The following SOX4 variants were observed in gnomAD, a reference collection of about 807,000 sequenced individuals.
SOX4 encodes SRY-box transcription factor 4.
For synonymous variants in SOX4, 465 were observed against 348.4 expected, an observed-to-expected ratio of 1.33 and a Z score of -3.73; for missense variants, 662 against 694.9, an observed-to-expected ratio of 0.95 and a Z score of 0.53.
Position 21,594,642 on chromosome 6 carries a change from C to T in SOX4, c.108C>T (p.Pro36=), listed in dbSNP as rs756901515. ...TGGGAATCGCCTCCTCCCCCACGCC[C>T]GGCTCCACCGCCTCCACGGGCGGCA... ...LELGIASSPT[P]GSTASTGGKA... is the part of the protein sequence containing the mutation. Residue 36 remains proline (P), a synonymous_variant, in exon 1 of 1, where the codon CCC becomes CCT. Transcript: ENST00000244745. 6 of 1,603,516 alleles carry T rather than the reference C, an allele frequency of 3.7e-6. No individual in the cohort carries two copies. In the South Asian group the frequency reaches 5.6e-5, roughly 15 times the overall value.
chr6:21,596,140 T>G lies in SOX4; in HGVS notation c.*181T>G. On this transcript the variant is annotated 3_prime_UTR_variant, in exon 1 of 1. Coordinates refer to ENST00000244745, the MANE Select transcript of SOX4 (RefSeq NM_003107.3). ...CGGATCAAGGAGCGCGGCGGCGTTT[T>G]GGACCCGCGCTCCCATCCCCCACCT... 1 of 1,044,402 alleles carries G rather than the reference T, an allele frequency of 9.6e-7. No individual in the cohort carries two copies. Among genetic ancestry groups the G allele is most frequent in the Non-Finnish European group, 1.3e-6 (1 of 773,450 alleles). 64.7% of individuals were successfully genotyped at this position (1,044,402 alleles called of 1,614,324 possible).
chr6:21,596,070 GAAAGAA>G lies in SOX4; in HGVS notation c.*116_*121del. The G allele has an allele frequency of 7.3e-7, 1 of 1,367,278 alleles. No homozygotes were observed. The highest frequency in any genetic ancestry group is 9.5e-7 in the Non-Finnish European group (1 of 1,056,894). The allele number at this position is 1,367,278 out of a possible 1,614,324, so 84.7% of individuals were successfully genotyped here. A position where few individuals can be genotyped will look rare whatever the true frequency, so the allele number is the denominator to read the frequency against. On this transcript the variant is annotated 3_prime_UTR_variant, in exon 1 of 1. Coordinates refer to ENST00000244745, the MANE Select transcript of SOX4 (RefSeq NM_003107.3). ...GAGTTTAAAGAGAAAAGGGAAAAAA[GAAAGAA>G]AAAGTAAGCAGGGCTGGCTTCGCCC...
At position 21,595,770 on chromosome 6, in the gene SOX4, A is replaced by C. The variant is rs774669417; in HGVS notation, c.1236A>C (p.Ser412=). 1.9e-6 allele frequency: 3 copies of C among 1,613,518 alleles called. No homozygotes were observed. The highest frequency in any genetic ancestry group is 4.5e-5 in the East Asian group (2 of 44,844). The change falls in exon 1 of 1, where the codon TCA becomes TCC. Residue 412 remains serine (S), a synonymous_variant. Coordinates refer to ENST00000244745, the MANE Select transcript of SOX4 (RefSeq NM_003107.3). ...ACCTGCTCGACCTGAACCCCAGCTC[A>C]AACTTTGAGAGCATGTCCCTGGGCA... ...EDDLLDLNPS[S]NFESMSLGSF...
rs1298624908 is a variant in SOX4, at chr6:21,597,905, T to G, written c.*1946T>G. 1 of 167,028 alleles carries G rather than the reference T, an allele frequency of 6.0e-6. No homozygotes were observed. Among genetic ancestry groups the G allele is most frequent in the Admixed American group, 6.5e-5 (1 of 15,282 alleles). The allele number at this position is 167,028 out of a possible 1,614,324, so 10.3% of individuals were successfully genotyped here. A position where few individuals can be genotyped will look rare whatever the true frequency, so the allele number is the denominator to read the frequency against. ...AGTGTCCACCCTCCGGCCCCCGTCT[T>G]GTAAAAAGGGGAGGAGAATTAGCCA... On this transcript the variant is annotated 3_prime_UTR_variant, in exon 1 of 1. Coordinates refer to ENST00000244745, the MANE Select transcript of SOX4 (RefSeq NM_003107.3).
In SOX4 at chr6:21,595,786, T is replaced by C. The variant is rs1448393872; in HGVS notation, c.1252T>C (p.Ser418Pro). 6.2e-7 allele frequency: 1 copy of C among 1,613,562 alleles called. No individual in the cohort carries two copies. Among genetic ancestry groups the C allele is most frequent in the Non-Finnish European group, 8.5e-7 (1 of 1,179,998 alleles). The part of the protein sequence containing the change: ...LNPSSNFESM[S>P]LGSFSSSSAL... ...CCCCAGCTCAAACTTTGAGAGCATG[T>C]CCCTGGGCAGCTTCAGTTCGTCGTC... Residue 418 changes from serine to proline, a missense_variant, in exon 1 of 1, where the codon TCC becomes CCC. Transcript: ENST00000244745.
chr6:21,594,373 T>C lies in SOX4; in HGVS notation c.-162T>C. ...AATCTTTTGGGGACTTTTCTCTCTTTACCCACCTCCGCCCCTGCGAGGAGT... is the reference window on the plus strand; with the variant it reads ...AATCTTTTGGGGACTTTTCTCTCTTCACCCACCTCCGCCCCTGCGAGGAGT... On this transcript the variant is annotated 5_prime_UTR_variant, in exon 1 of 1. Transcript: ENST00000244745. 1.2e-6 allele frequency: 1 copy of C among 863,118 alleles called. No individual in the cohort carries two copies. Among genetic ancestry groups the C allele is most frequent in the Non-Finnish European group, 1.6e-6 (1 of 638,542 alleles). The allele number at this position is 863,118 out of a possible 1,614,324, so 53.5% of individuals were successfully genotyped here. A position where few individuals can be genotyped will look rare whatever the true frequency, so the allele number is the denominator to read the frequency against.
In SOX4 at chr6:21,595,652, GCGCGCCCTCGCA is replaced by G; in HGVS notation, c.1123_1134del (p.Pro375_Ala378del). The G allele has an allele frequency of 1.3e-6, 2 of 1,516,290 alleles. No homozygotes were observed. 93.9% of individuals were successfully genotyped at this position (1,516,290 alleles called of 1,614,324 possible). ...CGCGCCGCCTCGCCCGCCCCGTCCAGCGCGCCCTCGCACGCGTCCTCCTCGGCCTCGTCCCAC... is the reference window on the plus strand; with the variant it reads ...CGCGCCGCCTCGCCCGCCCCGTCCAGCGCGTCCTCCTCGGCCTCGTCCCAC... On this transcript the variant is annotated inframe_deletion, in exon 1 of 1. Coordinates refer to ENST00000244745, the MANE Select transcript of SOX4 (RefSeq NM_003107.3).
In SOX4 at chr6:21,594,576, G is replaced by C; in HGVS notation, c.42G>C (p.Leu14=). ...QTNNAENTEA[L]LAGESSDSGA... is the part of the protein sequence containing the mutation. ...ACAATGCCGAGAACACGGAAGCGCT[G>C]CTGGCCGGCGAGAGCTCGGACTCGG... The change falls in exon 1 of 1, where the codon CTG becomes CTC. Residue 14 remains leucine (L), a synonymous_variant. Transcript: ENST00000244745. 1.2e-6 allele frequency: 2 copies of C among 1,608,638 alleles called. No homozygotes were observed. The highest frequency in any genetic ancestry group is 1.7e-6 in the Non-Finnish European group (2 of 1,178,678).
rs913248450 is a variant in SOX4, at chr6:21,595,127, G to A, written c.593G>A (p.Ser198Asn). 5 of 1,366,516 alleles carry A rather than the reference G, an allele frequency of 3.7e-6. No individual in the cohort carries two copies. Among genetic ancestry groups the A allele is most frequent in the South Asian group, 1.8e-5 (1 of 55,170 alleles). 84.6% of individuals were successfully genotyped at this position (1,366,516 alleles called of 1,614,324 possible). Residue 198 changes from serine to asparagine, a missense_variant, in exon 1 of 1, where the codon AGC (serine) becomes AAC (asparagine). By Grantham distance (46) the Ser-to-Asn change is conservative. Transcript: ENST00000244745. ...GANSKPAQKK[S>N]CGSKVAGGAG... ...AACTCCAAACCGGCGCAGAAAAAGA[G>A]CTGCGGCTCCAAAGTGGCGGGCGGC...
Position 21,595,609 on chromosome 6 carries a change from C to T in SOX4, c.1075C>T (p.Arg359Cys), listed in dbSNP as rs1380808039. 2 of 1,246,800 alleles carry T rather than the reference C, an allele frequency of 1.6e-6. No homozygotes were observed. Among genetic ancestry groups the T allele is most frequent in the Admixed American group, 4.2e-5 (1 of 24,084 alleles). The allele number at this position is 1,246,800 out of a possible 1,614,324, so 77.2% of individuals were successfully genotyped here. The stretch of plus-strand genomic sequence containing the variant: ...CGCCGGCCGCTCGCCCGCCGACCAC[C>T]GCGGCTACGCCAGCCTGCGCGCCGC... Reference protein sequence around the residue: ...PAAGRSPADHRGYASLRAASP... With the variant: ...PAAGRSPADHCGYASLRAASP... Residue 359 changes from arginine to cysteine, a missense_variant, in exon 1 of 1, where the codon CGC (arginine) becomes TGC (cysteine). Coordinates refer to ENST00000244745, the MANE Select transcript of SOX4 (RefSeq NM_003107.3).
rs766639122 is a variant in SOX4 at position 21,594,318 on chromosome 6, C to T, written c.-217C>T. On this transcript the variant is annotated 5_prime_UTR_variant, in exon 1 of 1. Coordinates refer to ENST00000244745, the MANE Select transcript of SOX4 (RefSeq NM_003107.3). Reference sequence around the variant, plus strand: ...CTCTCCAGCCTGGGAACTATAACTCCTCTGCGAGAGGCGGAGAACTCCTTC... The same window carrying T: ...CTCTCCAGCCTGGGAACTATAACTCTTCTGCGAGAGGCGGAGAACTCCTTC... The T allele has an allele frequency of 1.6e-4, 74 of 466,588 alleles. No individual in the cohort carries two copies. Among genetic ancestry groups the T allele is most frequent in the Admixed American group, 2.3e-4 (5 of 22,084 alleles). 28.9% of individuals were successfully genotyped at this position (466,588 alleles called of 1,614,324 possible).
rs989478143 is a variant in SOX4 at position 21,598,494 on chromosome 6, A to G, written c.*2535A>G. Reference sequence around the variant, plus strand: ...AGGCCACAAAAACAATGTTTGGGGGAAAAAAAAGAAAAAATCATGCCAGCT... The same window carrying G: ...AGGCCACAAAAACAATGTTTGGGGGGAAAAAAAGAAAAAATCATGCCAGCT... On this transcript the variant is annotated 3_prime_UTR_variant, in exon 1 of 1. Coordinates refer to ENST00000244745, the MANE Select transcript of SOX4 (RefSeq NM_003107.3). 6.0e-5 allele frequency: 10 copies of G among 166,856 alleles called. No homozygotes were observed. Among genetic ancestry groups the G allele is most frequent in the Admixed American group, 1.3e-4 (2 of 15,246 alleles). The allele number at this position is 166,856 out of a possible 1,614,324, so 10.3% of individuals were successfully genotyped here.
Position 21,594,806 on chromosome 6 carries a change from A to G in SOX4, c.272A>G (p.Lys91Arg). Residue 91 changes from lysine (K) to arginine (R), a missense_variant, in exon 1 of 1, where the codon AAG (lysine) becomes AGG (arginine). Coordinates refer to ENST00000244745, the MANE Select transcript of SOX4 (RefSeq NM_003107.3). ...SPDMHNAEIS[K>R]RLGKRWKLLK... ...GACATGCACAACGCCGAGATCTCCA[A>G]GCGGCTGGGCAAACGCTGGAAGCTG... 1 of 1,608,674 alleles carries G rather than the reference A, an allele frequency of 6.2e-7. No homozygotes were observed. Among genetic ancestry groups the G allele is most frequent in the Non-Finnish European group, 8.5e-7 (1 of 1,177,704 alleles).
At position 21,594,780 on chromosome 6, in the gene SOX4, C is replaced by A. The variant is rs1763099994; in HGVS notation, c.246C>A (p.Pro82=). The change falls in exon 1 of 1, where the codon CCC becomes CCA. Residue 82 remains proline, a synonymous_variant. Coordinates refer to ENST00000244745, the MANE Select transcript of SOX4 (RefSeq NM_003107.3). Reference sequence around the variant, plus strand: ...GGCGCAAGATCATGGAGCAGTCGCCCGACATGCACAACGCCGAGATCTCCA... The same window carrying A: ...GGCGCAAGATCATGGAGCAGTCGCCAGACATGCACAACGCCGAGATCTCCA... ...IERRKIMEQS[P]DMHNAEISKR... is the part of the protein sequence containing the mutation. 6 of 1,603,510 alleles carry A rather than the reference C, an allele frequency of 3.7e-6. No individual in the cohort carries two copies. The highest frequency in any genetic ancestry group is 3.5e-5 in the Admixed American group (2 of 57,906).
chr6:21,596,024 G>A lies in SOX4; in HGVS notation c.*65G>A, dbSNP rs1437962292. Reference sequence around the variant, plus strand: ...GAGGAGAAAAAAAAAGTGAAAAAAAGAAACGAAAAGGACAGACGAAGAGTT... The same window carrying A: ...GAGGAGAAAAAAAAAGTGAAAAAAAAAAACGAAAAGGACAGACGAAGAGTT... On this transcript the variant is annotated 3_prime_UTR_variant, in exon 1 of 1. Transcript: ENST00000244745. 38 of 1,436,778 alleles carry A rather than the reference G, an allele frequency of 2.6e-5. No homozygotes were observed. Among genetic ancestry groups the A allele is most frequent in the Non-Finnish European group, 3.3e-5 (36 of 1,094,628 alleles). The allele number at this position is 1,436,778 out of a possible 1,614,324, so 89.0% of individuals were successfully genotyped here.
Position 21,594,679 on chromosome 6 carries a change from C to T in SOX4, c.145C>T (p.Pro49Ser). 1 of 1,599,398 alleles carries T rather than the reference C, an allele frequency of 6.3e-7. No homozygotes were observed. The highest frequency in any genetic ancestry group is 2.3e-5 in the East Asian group (1 of 44,212). Residue 49 changes from proline to serine, a missense_variant, in exon 1 of 1, where the codon CCG becomes TCG. Pro to Ser is a moderately conservative substitution (Grantham distance 74). Coordinates refer to ENST00000244745, the MANE Select transcript of SOX4 (RefSeq NM_003107.3). ...CTCCACGGGCGGCAAGGCCGACGAC[C>T]CGAGCTGGTGCAAGACCCCGAGTGG... Reference protein sequence around the residue: ...TASTGGKADDPSWCKTPSGHI... With the variant: ...TASTGGKADDSSWCKTPSGHI...
In SOX4 at chr6:21,594,580, G is replaced by C; in HGVS notation, c.46G>C (p.Ala16Pro). Residue 16 changes from alanine (A) to proline (P), a missense_variant, in exon 1 of 1, where the codon GCC (alanine) becomes CCC (proline). Ala to Pro is a conservative substitution (Grantham distance 27). Coordinates refer to ENST00000244745, the MANE Select transcript of SOX4 (RefSeq NM_003107.3). The part of the protein sequence containing the change: ...NNAENTEALL[A>P]GESSDSGAGL... ...TGCCGAGAACACGGAAGCGCTGCTG[G>C]CCGGCGAGAGCTCGGACTCGGGCGC... The C allele has an allele frequency of 1.2e-6, 2 of 1,608,826 alleles. No homozygotes were observed. Among genetic ancestry groups the C allele is most frequent in the Non-Finnish European group, 8.5e-7 (1 of 1,178,722 alleles).
chr6:21,598,212 T>C lies in SOX4; in HGVS notation c.*2253T>C, dbSNP rs747212000. 1 of 167,076 alleles carries C rather than the reference T, an allele frequency of 6.0e-6. No homozygotes were observed. 10.3% of individuals were successfully genotyped at this position (167,076 alleles called of 1,614,324 possible). Reference sequence around the variant, plus strand: ...GCTAAATATAATTGTTTTAGTCTTATGGCATGATGATAGCATATGTGTTCA... The same window carrying C: ...GCTAAATATAATTGTTTTAGTCTTACGGCATGATGATAGCATATGTGTTCA... On this transcript the variant is annotated 3_prime_UTR_variant, in exon 1 of 1. Coordinates refer to ENST00000244745, the MANE Select transcript of SOX4 (RefSeq NM_003107.3).
Position 21,594,287 on chromosome 6 carries a change from G to C in SOX4, c.-248G>C, listed in dbSNP as rs559745226. 5.0e-6 allele frequency: 2 copies of C among 399,594 alleles called. No individual in the cohort carries two copies. Among genetic ancestry groups the C allele is most frequent in the South Asian group, 9.8e-5 (1 of 10,210 alleles). The allele number at this position is 399,594 out of a possible 1,614,324, so 24.8% of individuals were successfully genotyped here. A position where few individuals can be genotyped will look rare whatever the true frequency, so the allele number is the denominator to read the frequency against. ...GGTGAGAGAGCGAGAGAGAGGGAGA[G>C]AGAGACTCTCCAGCCTGGGAACTAT... On this transcript the variant is annotated 5_prime_UTR_variant, in exon 1 of 1. Transcript: ENST00000244745.
Sources: gnomAD v4.1 joint callset for allele counts on GRCh38, gnomAD v4.1.1 for gene constraint, MANE v1.5 for transcripts, NCBI Gene and HGNC (gene_info 2026-07-23, HGNC 2026-07-21) for gene names.